Variants in ADCY2 observed in about 807,000 individuals in gnomAD.
ADCY2 encodes adenylate cyclase type 2.
In ADCY2, 31 loss-of-function variants were observed where a neutral mutation model predicts 125.2. That is an observed-to-expected ratio of 0.25 (90% CI 0.19 to 0.33). The LOEUF is 0.33. Ranked by LOEUF, ADCY2 falls within the 10% of genes least tolerant of loss-of-function variation. The pLI, the probability that ADCY2 is intolerant of heterozygous loss-of-function variation, is 1.00. For synonymous variants in ADCY2, 512 were observed against 548.4 expected, an observed-to-expected ratio of 0.93 and a Z score of 0.93; for missense variants, 904 against 1,418.2, an observed-to-expected ratio of 0.64 and a Z score of 5.82.
At chr5:7,700,060 G>A (rs1025221826) in intron 7 of ADCY2, among the ~76,000 whole-genome samples, 1 of 152,128 alleles carries the variant, frequency 6.6e-6, no homozygotes, top group Non-Finnish European at 1.5e-5. Flanking sequence ...CAAATTCTGT[G>A]GCTTCACACA....
At chr5:7,606,141 C>G (rs555221329) in intron 3 of ADCY2, among the ~76,000 whole-genome samples, 6 of 152,046 alleles carry the variant, frequency 3.9e-5, no homozygotes, top group African/African-American at 1.2e-4. Flanking sequence ...TGGTAATGCT[C>G]TCTTTCTTGA....
At chr5:7,423,442 G>A (rs1740281982) in intron 2 of ADCY2, among the ~76,000 whole-genome samples, 1 of 152,172 alleles carries the variant, frequency 6.6e-6, no homozygotes, top group African/African-American at 2.4e-5. Flanking sequence ...GAATCATGGT[G>A]GATCTTTGCC....
chr5:7,464,141 G>C (rs1213297629), intron 2 of ADCY2, among the ~76,000 whole-genome samples: 2 of 152,154 alleles, frequency 1.3e-5, no homozygotes, highest in African/African-American at 4.8e-5. Context: ...TTTTGTGTGT[G>C]TGTTGTCTAC....
chr5:7,632,214 G>A (rs1738336544), intron 4 of ADCY2, among the ~76,000 whole-genome samples: 1 of 152,152 alleles, frequency 6.6e-6, no homozygotes, highest in African/African-American at 2.4e-5. Flanking sequence ...CACATCGTGC[G>A]GCAGGTACAG....
intron 2 of ADCY2, among the ~76,000 whole-genome samples, chr5:7,443,012 G>T (rs148526783): frequency 9.2e-5 from 14 of 152,046 alleles, no homozygotes; most frequent in Non-Finnish European, 2.1e-4. Context: ...GCCCCATGAC[G>T]TTCACTTCTG....
intron 2 of ADCY2, among the ~76,000 whole-genome samples, chr5:7,494,331 T>C (rs1561056261): frequency 6.6e-6 from 1 of 152,052 alleles, no homozygotes; most frequent in Non-Finnish European, 1.5e-5. Flanking sequence ...TAGCTCCTCA[T>C]ACCCCTGATC....
chr5:7,720,445 C>T (rs944209407), intron 12 of ADCY2, among the ~76,000 whole-genome samples: 6 of 152,038 alleles, frequency 3.9e-5, no homozygotes, highest in Admixed American at 1.3e-4. Flanking sequence ...ATGTGCACAA[C>T]GTGCAGGTTT....
At chr5:7,642,440 T>G (rs1318292039) in intron 4 of ADCY2, among the ~76,000 whole-genome samples, 1 of 152,308 alleles carries the variant, frequency 6.6e-6, no homozygotes, top group African/African-American at 2.4e-5. Context: ...GTCAGATGCA[T>G]AGTTTGCAAA....
intron 2 of ADCY2, among the ~76,000 whole-genome samples, chr5:7,511,664 G>A (rs1744065985): frequency 6.6e-6 from 1 of 152,120 alleles, no homozygotes; most frequent in Non-Finnish European, 1.5e-5. Flanking sequence ...CTCTGGGGAG[G>A]TGACAATTGA....
chr5:7,429,054 G>T (rs1335460213), intron 2 of ADCY2, among the ~76,000 whole-genome samples: 1 of 152,062 alleles, frequency 6.6e-6, no homozygotes, highest in Admixed American at 6.6e-5. Flanking sequence ...GTGATTTGTA[G>T]AGGGTCCCAC....
At chr5:7,725,549 A>G (rs1323787212) in intron 13 of ADCY2, among the ~76,000 whole-genome samples, 2 of 152,144 alleles carry the variant, frequency 1.3e-5, no homozygotes, top group African/African-American at 4.8e-5. Flanking sequence ...CAGTTTACCA[A>G]ATTGATGCTT....
rs1238151968 is a variant in ADCY2, at chr5:7,501,639, TCCCCCCTC to T, written c.409-19092_409-19085del. Among the ~76,000 whole-genome samples, 49 of 37,244 alleles carry T rather than the reference TCCCCCCTC, an allele frequency of 1.3e-3. 5 individuals carry two copies. The highest frequency in any genetic ancestry group is 4.5e-3 in the African/African-American group (48 of 10,596). The allele number at this position is 37,244 out of a possible 152,430, so 24.4% of individuals were successfully genotyped here. ...ATATCCCATCAAAAAAGAATGAGAT[TCCCCCCTC>T]CCCCCCCCCCCGCCAGTAACTTCAA... On this transcript the variant is annotated intron_variant, in intron 2 of 24. Coordinates refer to ENST00000338316, the MANE Select transcript of ADCY2 (RefSeq NM_020546.3).
At chr5:7,607,974 C>T (rs966561025) in intron 3 of ADCY2, among the ~76,000 whole-genome samples, 1 of 152,190 alleles carries the variant, frequency 6.6e-6, no homozygotes, top group Non-Finnish European at 1.5e-5. Context: ...GGTCACTCTT[C>T]TGAAGGAGTG....
chr5:7,783,598 A>G (rs1743987594), intron 18 of ADCY2, among the ~76,000 whole-genome samples: 1 of 152,168 alleles, frequency 6.6e-6, no homozygotes. Flanking sequence ...TAGTTGATCA[A>G]ATGCCATCGA....
chr5:7,630,951 C>A (rs1200739971), intron 4 of ADCY2, among the ~76,000 whole-genome samples: 1 of 152,048 alleles, frequency 6.6e-6, no homozygotes, highest in African/African-American at 2.4e-5. Context: ...CCACACCTGG[C>A]TAACTTTTGT....
At position 7,409,993 on chromosome 5, in the gene ADCY2, G is replaced by A. The variant is rs573090884; in HGVS notation, c.211-4580G>A. ...TTTATCTATATACATATGAAAAACT[G>A]TATCTCCACACATCCATTTGTAGTC... On this transcript the variant is annotated intron_variant, in intron 1 of 24. Coordinates refer to ENST00000338316, the MANE Select transcript of ADCY2 (RefSeq NM_020546.3). 9.9e-5 allele frequency among the ~76,000 whole-genome samples: 15 copies of A among 152,242 alleles called. No individual in the cohort carries two copies. The South Asian group carries it at 3.1e-3, about 32-fold the overall frequency.
At chr5:7,526,223 A>G (rs1284694820) in intron 3 of ADCY2, among the ~76,000 whole-genome samples, 1 of 152,116 alleles carries the variant, frequency 6.6e-6, no homozygotes, top group Admixed American at 6.6e-5. Context: ...TCCCCCATCC[A>G]CTGCTGGTGC....
chr5:7,637,015 T>C (rs557942248), intron 4 of ADCY2, among the ~76,000 whole-genome samples: 36 of 152,246 alleles, frequency 2.4e-4, no homozygotes, highest in Non-Finnish European at 2.9e-4. Flanking sequence ...AAATCAAAGT[T>C]GTATTACACA....
intron 2 of ADCY2, among the ~76,000 whole-genome samples, chr5:7,501,911 A>G (rs948649788): frequency 1.7e-4 from 26 of 152,022 alleles, no homozygotes; most frequent in Non-Finnish European, 3.2e-4. Context: ...CGGGCATCAC[A>G]CTAAATGGTT....
Sources: allele counts gnomAD v4.1 joint callset (sites outside exome capture counted in the v4.1 genomes callset), GRCh38; gene constraint gnomAD v4.1.1; transcripts MANE v1.5; gene names NCBI Gene and HGNC (gene_info 2026-07-23, HGNC 2026-07-21).